The following TNFRSF1B variants were observed in gnomAD, a reference collection of about 807,000 sequenced individuals.
TNFRSF1B encodes tumor necrosis factor receptor superfamily member 1B.
TNFRSF1B carries 19 observed loss-of-function variants against 44.6 expected under a neutral mutation model. The ratio of observed to expected loss-of-function variants is 0.43; its 90% CI spans 0.30 to 0.62. The LOEUF is 0.62. Among genes scored for constraint, TNFRSF1B ranks in the 20% least tolerant of loss-of-function variants. TNFRSF1B has a pLI of 0.16. For synonymous variants in TNFRSF1B, 252 were observed against 261.1 expected, an observed-to-expected ratio of 0.97 and a Z score of 0.34; for missense variants, 541 against 619.9, an observed-to-expected ratio of 0.87 and a Z score of 1.35.
chr1:12,178,469 C>T lies in TNFRSF1B; in HGVS notation c.79-10327C>T, dbSNP rs369033430. ...ATGGCAGAACTGGGATCAAAGCCCA[C>T]GTGTCTGTGTCTGGCTCAGCGCCCA... On this transcript the variant is annotated intron_variant, in intron 1 of 9. Coordinates refer to ENST00000376259, the MANE Select transcript of TNFRSF1B (RefSeq NM_001066.3). The surrounding 1 kb of genome is among the most constrained non-coding windows in gnomAD (Gnocchi z 4.3). 3.9e-5 allele frequency among the ~76,000 whole-genome samples: 6 copies of T among 152,304 alleles called. No homozygotes were observed. The highest frequency in any genetic ancestry group is 1.9e-4 in the East Asian group (1 of 5,188).
At chr1:12,204,125 C>T (rs1003112236) in intron 9 of TNFRSF1B, among the ~76,000 whole-genome samples, 6 of 152,158 alleles carry the variant, frequency 3.9e-5, no homozygotes, top group Admixed American at 6.5e-5. Context: ...CCCTCTGCCC[C>T]TTCTGCTCTG....
At chr1:12,183,873 A>G (rs899569267) in intron 1 of TNFRSF1B, among the ~76,000 whole-genome samples, 1 of 151,782 alleles carries the variant, frequency 6.6e-6, no homozygotes, top group African/African-American at 2.4e-5. Flanking sequence ...CTACCTACAT[A>G]TCTATCCATC....
At chr1:12,190,929 C>G in intron 2 of TNFRSF1B, 28 bp from the exon 3 acceptor site, 2 of 1,610,588 alleles carry the variant, frequency 1.2e-6, no homozygotes, top group Non-Finnish European at 1.7e-6. Flanking sequence ...GCTCGCCCAG[C>G]TGAGACCTCT....
In TNFRSF1B at chr1:12,171,717, G is replaced by A. The variant is rs983567536; in HGVS notation, c.78+4548G>A. 2.6e-5 allele frequency among the ~76,000 whole-genome samples: 4 copies of A among 152,128 alleles called. No homozygotes were observed. Among genetic ancestry groups the A allele is most frequent in the South Asian group, 4.1e-4 (2 of 4,826 alleles). ...TCCCGTGAGCTGTAGGATGTTTAGC[G>A]ACATCCCTGGCCTCTACTTATTGGA... On this transcript the variant is annotated intron_variant, in intron 1 of 9. Coordinates refer to ENST00000376259, the MANE Select transcript of TNFRSF1B (RefSeq NM_001066.3). The surrounding 1 kb of genome is among the most constrained non-coding windows in gnomAD (Gnocchi z 4.5).
At chr1:12,201,051 AAG>A (rs1222597583) in intron 8 of TNFRSF1B, among the ~76,000 whole-genome samples, 2 of 151,984 alleles carry the variant, frequency 1.3e-5, no homozygotes, top group African/African-American at 4.8e-5. Flanking sequence ...CCAGGAGTAC[AAG>A]ACCAGCCTGG....
Position 12,200,924 on chromosome 1 carries a change from A to G in TNFRSF1B, c.901-1043A>G, listed in dbSNP as rs549293299. Among the ~76,000 whole-genome samples, 14 of 152,232 alleles carry G rather than the reference A, an allele frequency of 9.2e-5. No homozygotes were observed. The South Asian group carries it at 2.9e-3, about 32-fold the overall frequency. The stretch of plus-strand genomic sequence containing the variant: ...GCATGAGCCACCAAGCCTGGCCACA[A>G]ATTATTCTTAAACATTTTTTTTTCA... On this transcript the variant is annotated intron_variant, in intron 8 of 9. Coordinates refer to ENST00000376259, the MANE Select transcript of TNFRSF1B (RefSeq NM_001066.3).
At position 12,207,128 on chromosome 1, in the gene TNFRSF1B, C is replaced by T; in HGVS notation, c.*108C>T. The T allele has an allele frequency of 7.8e-7, 1 of 1,274,678 alleles. No homozygotes were observed. The highest frequency in any genetic ancestry group is 1.0e-6 in the Non-Finnish European group (1 of 956,392). 79.0% of individuals were successfully genotyped at this position (1,274,678 alleles called of 1,614,324 possible). ...GGCCCCCACCACTAGGACTCTGAGGCTCTTTCTGGGCCAAGTTCCTCTAGT... is the reference window on the plus strand; with the variant it reads ...GGCCCCCACCACTAGGACTCTGAGGTTCTTTCTGGGCCAAGTTCCTCTAGT... On this transcript the variant is annotated 3_prime_UTR_variant, in exon 10 of 10. Transcript: ENST00000376259.
At chr1:12,203,460 C>A (rs17884378) in intron 9 of TNFRSF1B, among the ~76,000 whole-genome samples, 4,029 of 152,268 alleles carry the variant, frequency 0.026, 81 homozygotes, top group South Asian at 0.07. Context: ...CTCATGCCAC[C>A]CCTGCCTGCC....
chr1:12,198,136 A>C (rs946444589), intron 8 of TNFRSF1B, among the ~76,000 whole-genome samples: 1 of 151,872 alleles, frequency 6.6e-6, no homozygotes, highest in African/African-American at 2.4e-5. Flanking sequence ...AAAAAAAAAA[A>C]AAAAACCAAT....
Position 12,199,232 on chromosome 1 carries a change from T to G in TNFRSF1B, c.901-2735T>G. Among the ~76,000 whole-genome samples, 2 of 151,426 alleles carry G rather than the reference T, an allele frequency of 1.3e-5. No individual in the cohort carries two copies. Among genetic ancestry groups the G allele is most frequent in the East Asian group, 1.9e-4 (1 of 5,138 alleles). ...ACCCCTTTTGTGGGGTTGTGAGGAGTGACAATTGGCTGCTTCTCCTCCCCT... is the reference window on the plus strand; with the variant it reads ...ACCCCTTTTGTGGGGTTGTGAGGAGGGACAATTGGCTGCTTCTCCTCCCCT... On this transcript the variant is annotated intron_variant, in intron 8 of 9. Transcript: ENST00000376259. This position sits in a 1 kb window ranked among gnomAD's most constrained non-coding sequence, Gnocchi z 4.0.
In TNFRSF1B at chr1:12,186,703, T is replaced by C. The variant is rs1638994604; in HGVS notation, c.79-2093T>C. On this transcript the variant is annotated intron_variant, in intron 1 of 9. Transcript: ENST00000376259. The surrounding 1 kb of genome is among the most constrained non-coding windows in gnomAD (Gnocchi z 4.8). ...GGATCTCGATCTTGTACTGGCCACA[T>C]GACTGCAGCTGGCAGTACAGTGGGG... Among the ~76,000 whole-genome samples, 1 of 152,234 alleles carries C rather than the reference T, an allele frequency of 6.6e-6. No homozygotes were observed. Among genetic ancestry groups the C allele is most frequent in the African/African-American group, 2.4e-5 (1 of 41,462 alleles).
intron 1 of TNFRSF1B, among the ~76,000 whole-genome samples, chr1:12,183,711 T>TAGC (rs1553163383): frequency 4.3e-5 from 4 of 93,278 alleles, no homozygotes; most frequent in African/African-American, 1.5e-4. Flanking sequence ...TATCTATCTA[T>TAGC]TCTATCTACC....
At position 12,202,023 on chromosome 1, in the gene TNFRSF1B, G is replaced by A; in HGVS notation, c.957G>A (p.Leu319=). 2 of 1,612,680 alleles carry A rather than the reference G, an allele frequency of 1.2e-6. No individual in the cohort carries two copies. Among genetic ancestry groups the A allele is most frequent in the Non-Finnish European group, 1.7e-6 (2 of 1,179,700 alleles). ...RGTQGPEQQH[L]LITAPSSSSS... ...CACAGGGCCCCGAGCAGCAGCACCTGCTGATCACAGCGCCGAGCTCCAGCA... is the reference window on the plus strand; with the variant it reads ...CACAGGGCCCCGAGCAGCAGCACCTACTGATCACAGCGCCGAGCTCCAGCA... The change falls in exon 9 of 10, where the codon CTG becomes CTA. Residue 319 remains leucine, a synonymous_variant. Coordinates refer to ENST00000376259, the MANE Select transcript of TNFRSF1B (RefSeq NM_001066.3).
At chr1:12,203,326 C>T (rs1639432592) in intron 9 of TNFRSF1B, among the ~76,000 whole-genome samples, 1 of 152,196 alleles carries the variant, frequency 6.6e-6, no homozygotes, top group Non-Finnish European at 1.5e-5. Context: ...AGACCAGGGC[C>T]AGGCTCCCTC....
rs920241787 is a variant in TNFRSF1B, at chr1:12,169,495, G to C, written c.78+2326G>C. ...AGCTGGGGGTGGGATTTGAATGCAG[G>C]TCTGCCTGATTCCCAAGCTCCTTTC... On this transcript the variant is annotated intron_variant, in intron 1 of 9. Transcript: ENST00000376259. This position sits in a 1 kb window ranked among gnomAD's most constrained non-coding sequence, Gnocchi z 4.5. 2.0e-5 allele frequency among the ~76,000 whole-genome samples: 3 copies of C among 152,282 alleles called. No individual in the cohort carries two copies. In the East Asian group the frequency reaches 5.8e-4, roughly 29 times the overall value.
At position 12,206,990 on chromosome 1, in the gene TNFRSF1B, A is replaced by G; in HGVS notation, c.1356A>G (p.Gly452=). The G allele has an allele frequency of 6.3e-7, 1 of 1,599,452 alleles. No homozygotes were observed. The highest frequency in any genetic ancestry group is 8.6e-7 in the Non-Finnish European group (1 of 1,169,076). ...GSTEEKPLPL[G]VPDAGMKPS The stretch of plus-strand genomic sequence containing the variant: ...CCGAAGAGAAGCCCCTGCCCCTTGG[A>G]GTGCCTGATGCTGGGATGAAGCCCA... Residue 452 remains glycine, a synonymous_variant, in exon 10 of 10, where the codon GGA becomes GGG. Transcript: ENST00000376259.
Position 12,169,036 on chromosome 1 carries a change from C to T in TNFRSF1B, c.78+1867C>T, listed in dbSNP as rs1012488578. On this transcript the variant is annotated intron_variant, in intron 1 of 9. Coordinates refer to ENST00000376259, the MANE Select transcript of TNFRSF1B (RefSeq NM_001066.3). This position sits in a 1 kb window ranked among gnomAD's most constrained non-coding sequence, Gnocchi z 4.5. Reference sequence around the variant, plus strand: ...GTGTCATTGTGCAAAAAGCATTGTCCGTGCCATCCCCTCTCCAAGGGACAC... The same window carrying T: ...GTGTCATTGTGCAAAAAGCATTGTCTGTGCCATCCCCTCTCCAAGGGACAC... Among the ~76,000 whole-genome samples, 2 of 152,160 alleles carry T rather than the reference C, an allele frequency of 1.3e-5. No homozygotes were observed. Among genetic ancestry groups the T allele is most frequent in the East Asian group, 1.9e-4 (1 of 5,198 alleles).
At chr1:12,188,662 A>T in intron 1 of TNFRSF1B, 134 bp from the exon 2 acceptor site, 1 of 787,556 alleles carries the variant, frequency 1.3e-6, no homozygotes, top group Non-Finnish European at 2.0e-6. Context: ...CCAGGGGGAG[A>T]AACCTCCCCA....
Position 12,208,927 on chromosome 1 carries a change from CA to C in TNFRSF1B, c.*1908del, listed in dbSNP as rs1472848451. ...CGCCACTACACTCCAGCCTGAGCAACAGAGTGAGACCCTGTCTCTTAAAGAA... is the reference window on the plus strand; with the variant it reads ...CGCCACTACACTCCAGCCTGAGCAACGAGTGAGACCCTGTCTCTTAAAGAA... On this transcript the variant is annotated 3_prime_UTR_variant, in exon 10 of 10. Coordinates refer to ENST00000376259, the MANE Select transcript of TNFRSF1B (RefSeq NM_001066.3). 6 of 152,362 alleles carry C rather than the reference CA, an allele frequency of 3.9e-5. 1 individual carries two copies. The highest frequency in any genetic ancestry group is 3.9e-4 in the Admixed American group (6 of 15,282). The allele number at this position is 152,362 out of a possible 1,614,324, so 9.4% of individuals were successfully genotyped here.
Sources: allele counts gnomAD v4.1 joint callset (sites outside exome capture counted in the v4.1 genomes callset), GRCh38; gene constraint gnomAD v4.1.1; non-coding constraint Gnocchi (gnomAD v3.1); transcripts MANE v1.5; gene names NCBI Gene and HGNC (gene_info 2026-07-23, HGNC 2026-07-21).